Variants in PFDN1 observed in about 807,000 individuals in gnomAD.
PFDN1 encodes prefoldin subunit 1, also known as prefoldin 1.
Under a neutral mutation model 17.3 loss-of-function variants are expected in PFDN1, and 6 were observed. The ratio of observed to expected loss-of-function variants is 0.35; its 90% CI spans 0.19 to 0.69. The LOEUF is 0.69. Ranked by LOEUF, PFDN1 falls within the 30% of genes least tolerant of loss-of-function variation. PFDN1 has a pLI of 0.65. For synonymous variants in PFDN1, 58 were observed against 50.1 expected, an observed-to-expected ratio of 1.16 and a Z score of -0.67; for missense variants, 113 against 146.2, an observed-to-expected ratio of 0.77 and a Z score of 1.17.
chr5:140,276,780 C>CAAAA (rs35889345), intron 3 of PFDN1, among the ~76,000 whole-genome samples: 2,071 of 46,710 alleles, frequency 0.044, 332 homozygotes, highest in African/African-American at 0.15. Context: ...GACACCGTCT[C>CAAAA]AAAAAAAAAA....
intron 3 of PFDN1, among the ~76,000 whole-genome samples, chr5:140,256,658 C>CAAAAAAAAAAAAAAA (rs757723797): frequency 5.5e-4 from 22 of 39,892 alleles, no homozygotes; most frequent in South Asian, 2.0e-3. Context: ...CAAAAAATGA[C>CAAAAAAAAAAAAAAA]AAAAAAAAAA....
At chr5:140,249,208 G>A (rs1176730800) in intron 3 of PFDN1, among the ~76,000 whole-genome samples, 2 of 152,246 alleles carry the variant, frequency 1.3e-5, no homozygotes, top group African/African-American at 4.8e-5. Flanking sequence ...TGGTAATTTG[G>A]AAAGAGGATC....
chr5:140,285,418 A>T (rs538793088), intron 2 of PFDN1, among the ~76,000 whole-genome samples: 4 of 151,964 alleles, frequency 2.6e-5, no homozygotes, highest in Non-Finnish European at 5.9e-5. Context: ...AAGTTACTGA[A>T]TTTTTACGTC....
intron 2 of PFDN1, among the ~76,000 whole-genome samples, chr5:140,283,798 G>T (rs1281413919): frequency 6.6e-6 from 1 of 152,150 alleles, no homozygotes; most frequent in South Asian, 2.1e-4. Context: ...ACAGTACTAA[G>T]TCTCAGTAAT....
intron 2 of PFDN1, among the ~76,000 whole-genome samples, chr5:140,283,523 A>G (rs1248736506): frequency 4.6e-5 from 7 of 152,080 alleles, no homozygotes; most frequent in Non-Finnish European, 1.0e-4. Context: ...ATGAGCCACC[A>G]CGCCCAGCCC....
intron 3 of PFDN1, among the ~76,000 whole-genome samples, chr5:140,269,329 T>C (rs950089237): frequency 1.3e-4 from 20 of 151,564 alleles, no homozygotes; most frequent in African/African-American, 4.8e-4. Flanking sequence ...CTTTTTTTTT[T>C]TTTTTTGAGA....
At chr5:140,281,306 G>A in intron 3 of PFDN1, 143 bp downstream of exon 3, 1 of 572,390 alleles carries the variant, frequency 1.7e-6, no homozygotes, top group Non-Finnish European at 3.1e-6. Flanking sequence ...GAATATGACA[G>A]CTTCACGGCT....
At chr5:140,277,280 T>C in intron 3 of PFDN1, among the ~76,000 whole-genome samples, 1 of 151,102 alleles carries the variant, frequency 6.6e-6, no homozygotes. Flanking sequence ...TGGTTTTACA[T>C]GAGAGAGTAA....
In PFDN1 at chr5:140,263,678, A is replaced by T. The variant is rs1765095853; in HGVS notation, c.286-17621T>A. Among the ~76,000 whole-genome samples the T allele has an allele frequency of 2.6e-5, 4 of 152,120 alleles. No individual in the cohort carries two copies. The South Asian group carries it at 8.3e-4, about 31-fold the overall frequency. On this transcript the variant is annotated intron_variant, in intron 3 of 3. Coordinates refer to ENST00000261813, the MANE Select transcript of PFDN1 (RefSeq NM_002622.5). The stretch of plus-strand genomic sequence containing the variant: ...ACGGTTCCACAGGCTGTACAGGCAT[A>T]GCACCAACATCTGCTCAGTGTCTGG...
intron 3 of PFDN1, among the ~76,000 whole-genome samples, chr5:140,248,689 C>T (rs1390265162): frequency 6.6e-6 from 1 of 152,206 alleles, no homozygotes; most frequent in African/African-American, 2.4e-5. Flanking sequence ...GCCCTCCCAC[C>T]CAGACTCCCC....
chr5:140,295,304 A>G (rs1281662695), intron 2 of PFDN1, among the ~76,000 whole-genome samples: 2 of 152,156 alleles, frequency 1.3e-5, no homozygotes, highest in Non-Finnish European at 1.5e-5. Flanking sequence ...CCTATCCTCT[A>G]CTATGCAAAG....
chr5:140,249,057 T>C (rs1215260877), intron 3 of PFDN1, among the ~76,000 whole-genome samples: 2 of 152,234 alleles, frequency 1.3e-5, no homozygotes, highest in Non-Finnish European at 2.9e-5. Flanking sequence ...TGGACCTTTC[T>C]AACTGTATTT....
intron 3 of PFDN1, among the ~76,000 whole-genome samples, chr5:140,280,018 A>AAC (rs1765371146): frequency 6.8e-6 from 1 of 147,464 alleles, no homozygotes; most frequent in African/African-American, 2.5e-5. Context: ...AAAAAACAAA[A>AAC]AAAGAAAAGA....
Position 140,300,497 on chromosome 5 carries a change from G to C in PFDN1, c.119C>G (p.Thr40Arg), listed in dbSNP as rs763185306. The C allele has an allele frequency of 6.2e-7, 1 of 1,611,518 alleles. No homozygotes were observed. The highest frequency in any genetic ancestry group is 8.5e-7 in the Non-Finnish European group (1 of 1,177,944). Residue 40 changes from threonine to arginine, a missense_variant, in exon 2 of 4, where the codon ACG (threonine) becomes AGG (arginine). Transcript: ENST00000261813. ...ADIQIEQLNR[T>R]KKHAHLTDTE... ...ATCTGTAAGATGTGCATGCTTTTTC[G>C]TTCTGTTTAGCTGTTCAATCTGTAT...
chr5:140,264,018 CTCAAAAAAAAAAAAA>C, intron 3 of PFDN1, among the ~76,000 whole-genome samples: 1 of 36,566 alleles, frequency 2.7e-5, no homozygotes. Flanking sequence ...GAGACTCCAT[CTCAAAAAAAAAAAAA>C]AAAAAAAAAA....
intron 3 of PFDN1, among the ~76,000 whole-genome samples, chr5:140,255,955 G>T (rs1200282004): frequency 6.6e-6 from 1 of 151,976 alleles, no homozygotes; most frequent in Non-Finnish European, 1.5e-5. Context: ...CTAATGAATT[G>T]GCTGTGATTC....
At position 140,289,313 on chromosome 5, in the gene PFDN1, C is replaced by T. The variant is rs533998750; in HGVS notation, c.201-7780G>A. On this transcript the variant is annotated intron_variant, in intron 2 of 3. Coordinates refer to ENST00000261813, the MANE Select transcript of PFDN1 (RefSeq NM_002622.5). ...TAAATCTCAAAGAGCTCCCAATGGT[C>T]AAAGCAGAATTATTTGAGCAACAAA... is the stretch of plus-strand genomic sequence containing the variant. Among the ~76,000 whole-genome samples the T allele has an allele frequency of 2.0e-5, 3 of 151,308 alleles. No homozygotes were observed. In the South Asian group the frequency reaches 6.3e-4, roughly 32 times the overall value.
chr5:140,285,059 T>C (rs558471172), intron 2 of PFDN1, among the ~76,000 whole-genome samples: 14 of 152,334 alleles, frequency 9.2e-5, no homozygotes, highest in African/African-American at 2.9e-4. Context: ...CTTGCACTGC[T>C]GCATTTTGGA....
At chr5:140,294,652 G>T (rs905030386) in intron 2 of PFDN1, among the ~76,000 whole-genome samples, 4 of 151,958 alleles carry the variant, frequency 2.6e-5, no homozygotes, top group African/African-American at 7.2e-5. Context: ...AAAGAGTTCA[G>T]ATTTCTACAA....
Sources: gnomAD v4.1 joint callset for allele counts (sites outside exome capture counted in the v4.1 genomes callset) on GRCh38, gnomAD v4.1.1 for gene constraint, MANE v1.5 for transcripts, NCBI Gene and HGNC (gene_info 2026-07-23, HGNC 2026-07-21) for gene names.